The following IGF1R variants were observed in gnomAD, a reference collection of about 807,000 sequenced individuals.
The protein encoded by IGF1R is insulin-like growth factor 1 receptor.
IGF1R carries 44 observed loss-of-function variants against 144.6 expected under a neutral mutation model. The ratio of observed to expected loss-of-function variants is 0.30; its 90% CI spans 0.24 to 0.39. The LOEUF (loss-of-function observed/expected upper bound fraction) is 0.39, where lower values mean the gene tolerates loss of function less well. Ranked by LOEUF, IGF1R falls within the 10% of genes least tolerant of loss-of-function variation. The probability of loss-of-function intolerance (pLI) is 1.00; values close to 1 mark genes in which losing one functional copy is unlikely to be tolerated. For missense variants in IGF1R, 1,355 were observed against 1,833.7 expected (o/e 0.74, Z 4.77); for synonymous variants, 795 against 722.8 (o/e 1.10, Z -1.60).
At chr15:98,723,957 T>C (rs909026394) in intron 2 of IGF1R, among the ~76,000 whole-genome samples, 1 of 152,236 alleles carries the variant, frequency 6.6e-6, no homozygotes, top group Non-Finnish European at 1.5e-5. Context: ...ATTTGTATTA[T>C]GGCAGCGAGG....
At chr15:98,845,960 C>T (rs1275450227) in intron 2 of IGF1R, among the ~76,000 whole-genome samples, 1 of 152,158 alleles carries the variant, frequency 6.6e-6, no homozygotes, top group African/African-American at 2.4e-5. Flanking sequence ...GCAACAATAT[C>T]CTTGGTTTGC....
intron 2 of IGF1R, among the ~76,000 whole-genome samples, chr15:98,767,663 A>G (rs2055468234): frequency 6.6e-6 from 1 of 152,238 alleles, no homozygotes; most frequent in African/African-American, 2.4e-5. Flanking sequence ...GGTAGAATTA[A>G]TGTATTAAAA....
At chr15:98,688,514 A>AT (rs1371093095) in intron 1 of IGF1R, among the ~76,000 whole-genome samples, 1 of 151,880 alleles carries the variant, frequency 6.6e-6, no homozygotes, top group East Asian at 1.9e-4. Flanking sequence ...GAATGCTATT[A>AT]TAATGCTTTC....
chr15:98,859,034 G>C (rs996956396), intron 2 of IGF1R, among the ~76,000 whole-genome samples: 6 of 151,838 alleles, frequency 4.0e-5, no homozygotes, highest in Non-Finnish European at 8.8e-5. Flanking sequence ...CTCCGGGGAG[G>C]GTTTAGCTTC....
rs2052358566 is a variant in IGF1R at position 98,651,275 on chromosome 15, C to CGAGAGCA, written c.94+1603_94+1609dup. Among the ~76,000 whole-genome samples, 4 of 152,202 alleles carry CGAGAGCA rather than the reference C, an allele frequency of 2.6e-5. No homozygotes were observed. The South Asian group carries it at 8.3e-4, about 31-fold the overall frequency. The stretch of plus-strand genomic sequence containing the variant: ...GGTAAGAAATGAGTCCGCGACGGAA[C>CGAGAGCA]GAGAGCAGATCGTGGTTCGCGTGTT... On this transcript the variant is annotated intron_variant, in intron 1 of 20. Coordinates refer to ENST00000650285, the MANE Select transcript of IGF1R (RefSeq NM_000875.5).
chr15:98,735,339 C>T (rs557580901), intron 2 of IGF1R, among the ~76,000 whole-genome samples: 2 of 152,340 alleles, frequency 1.3e-5, no homozygotes, highest in African/African-American at 4.8e-5. Context: ...CCACTGGGGG[C>T]TCCCCGTGAC....
intron 2 of IGF1R, among the ~76,000 whole-genome samples, chr15:98,843,298 T>G (rs1215050581): frequency 6.6e-6 from 1 of 152,208 alleles, no homozygotes; most frequent in Non-Finnish European, 1.5e-5. Flanking sequence ...GCAGCAGTTT[T>G]TTTCTCTTAC....
intron 2 of IGF1R, among the ~76,000 whole-genome samples, chr15:98,757,950 T>C (rs930167381): frequency 6.6e-6 from 1 of 152,262 alleles, no homozygotes; most frequent in Non-Finnish European, 1.5e-5. Flanking sequence ...CCTAACAATT[T>C]GAAAATCTGT....
chr15:98,781,101 G>A (rs1596299760), intron 2 of IGF1R, among the ~76,000 whole-genome samples: 1 of 152,200 alleles, frequency 6.6e-6, no homozygotes, highest in East Asian at 1.9e-4. Context: ...CAGCCTGGAT[G>A]ACAGAGCGAG....
At chr15:98,855,670 G>A (rs751820131) in intron 2 of IGF1R, among the ~76,000 whole-genome samples, 1 of 152,128 alleles carries the variant, frequency 6.6e-6, no homozygotes, top group African/African-American at 2.4e-5. Context: ...AGAACCTGTT[G>A]CTTTGTCAGT....
chr15:98,716,463 G>A (rs1195380009), intron 2 of IGF1R, among the ~76,000 whole-genome samples: 1 of 152,166 alleles, frequency 6.6e-6, no homozygotes, highest in African/African-American at 2.4e-5. Flanking sequence ...TCATTTATAT[G>A]GAAGAAGGAA....
intron 3 of IGF1R, among the ~76,000 whole-genome samples, chr15:98,894,439 T>A (rs190939370): frequency 2.4e-4 from 36 of 151,990 alleles, no homozygotes; most frequent in Middle Eastern, 3.4e-3. Flanking sequence ...TGATAGATAG[T>A]TAGTTAAACT....
intron 2 of IGF1R, among the ~76,000 whole-genome samples, chr15:98,865,505 T>G (rs1252049195): frequency 1.3e-5 from 2 of 152,284 alleles, no homozygotes; most frequent in Non-Finnish European, 2.9e-5. Flanking sequence ...ACGCCCACCG[T>G]CCCTCACGTG....
chr15:98,687,609 A>G (rs896295103), intron 1 of IGF1R, among the ~76,000 whole-genome samples: 5 of 152,144 alleles, frequency 3.3e-5, no homozygotes, highest in African/African-American at 1.2e-4. Context: ...CCGCCTTGGT[A>G]GTAGGGTGGA....
chr15:98,732,926 A>G (rs1270077612), intron 2 of IGF1R, among the ~76,000 whole-genome samples: 23 of 152,170 alleles, frequency 1.5e-4, no homozygotes, highest in Middle Eastern at 3.4e-3. Flanking sequence ...CCCCTTTGGG[A>G]GGGGTCAGTG....
At chr15:98,951,122 C>T (rs1444806885) in intron 20 of IGF1R, among the ~76,000 whole-genome samples, 2 of 152,290 alleles carry the variant, frequency 1.3e-5, no homozygotes, top group South Asian at 2.1e-4. Context: ...AGAAAGGTGG[C>T]GCAGGAAGGA....
chr15:98,687,353 T>G (rs532639495), intron 1 of IGF1R, among the ~76,000 whole-genome samples: 2 of 152,216 alleles, frequency 1.3e-5, no homozygotes, highest in African/African-American at 4.8e-5. Context: ...GATGGGTGTT[T>G]TGATGGAAGG....
chr15:98,715,926 T>G (rs1309954666), intron 2 of IGF1R, among the ~76,000 whole-genome samples: 1 of 152,184 alleles, frequency 6.6e-6, no homozygotes, highest in Non-Finnish European at 1.5e-5. Context: ...AAATCACATT[T>G]TAAGTAAAAA....
chr15:98,878,663 C>CGAAA (rs2013186091), intron 2 of IGF1R, among the ~76,000 whole-genome samples: 1 of 57,906 alleles, frequency 1.7e-5, no homozygotes, highest in Non-Finnish European at 2.9e-5. Flanking sequence ...GTGAAAGACT[C>CGAAA]AAAAAAAAAA....
Sources: gnomAD v4.1 joint callset for allele counts (sites outside exome capture counted in the v4.1 genomes callset) on GRCh38, gnomAD v4.1.1 for gene constraint, MANE v1.5 for transcripts, NCBI Gene and HGNC (gene_info 2026-07-23, HGNC 2026-07-21) for gene names.